The following RAB39B variants were observed in gnomAD, a reference collection of about 807,000 sequenced individuals.
The protein encoded by RAB39B is RAB39B, member RAS oncogene family.
For synonymous variants in RAB39B, 63 were observed against 67.5 expected (o/e 0.93, Z 0.33); for missense variants, 68 against 171.3 (o/e 0.40, Z 3.37).
At chrX:155,261,654 A>C (rs375791282) in intron 1 of RAB39B, among the ~76,000 whole-genome samples, 1 of 111,815 alleles carries the variant, frequency 8.9e-6, no homozygotes. Context: ...AAATGAAACA[A>C]TGGATATTAA....
rs1557314163 is a variant in RAB39B, at chrX:155,260,522, C to A, written c.*281G>T. ...GGACTTAGCTTCCTAAACCCCAGGCCTTTAACATGTGGTCCACAAAGGGCT... is the reference window on the plus strand; with the variant it reads ...GGACTTAGCTTCCTAAACCCCAGGCATTTAACATGTGGTCCACAAAGGGCT... On this transcript the variant is annotated 3_prime_UTR_variant, in exon 2 of 2. Transcript: ENST00000369454. 5.3e-6 allele frequency: 2 copies of A among 374,578 alleles called. No individual in the cohort carries two copies. The highest frequency in any genetic ancestry group is 8.6e-5 in the East Asian group (2 of 23,192). 30.9% of individuals were successfully genotyped at this position (374,578 alleles called of 1,213,427 possible).
chrX:155,260,763 G>A lies in RAB39B; in HGVS notation c.*40C>T. The A allele has an allele frequency of 8.7e-7, 1 of 1,145,558 alleles. No homozygotes were observed. The highest frequency in any genetic ancestry group is 1.2e-6 in the Non-Finnish European group (1 of 835,190). 94.4% of individuals were successfully genotyped at this position (1,145,558 alleles called of 1,213,427 possible). Reference sequence around the variant, plus strand: ...TTCTATTTATTTCTCTTACTTTTCAGTTCAAGTAGGAGAGCATGTTTTGGA... The same window carrying A: ...TTCTATTTATTTCTCTTACTTTTCAATTCAAGTAGGAGAGCATGTTTTGGA... On this transcript the variant is annotated 3_prime_UTR_variant, in exon 2 of 2. Transcript: ENST00000369454.
At chrX:155,261,294 AG>A (rs1445653424) in intron 1 of RAB39B, 65 bp from the exon 2 acceptor site, 44 of 812,957 alleles carry the variant, frequency 5.4e-5, no homozygotes, top group Non-Finnish European at 8.1e-5. Context: ...CAATGAACTC[AG>A]TATATTCAAG....
At chrX:155,263,360 C>T (rs1432754077) in intron 1 of RAB39B, among the ~76,000 whole-genome samples, 1 of 112,753 alleles carries the variant, frequency 8.9e-6, no homozygotes, top group Non-Finnish European at 1.9e-5. Context: ...TGAAATTAAG[C>T]ATGTTCATTT....
Position 155,264,335 on chromosome X carries a change from A to AG in RAB39B, c.-48dup. On this transcript the variant is annotated 5_prime_UTR_variant, in exon 1 of 2. Transcript: ENST00000369454. Reference sequence around the variant, plus strand: ...CTTGGCCCGGACCGGGGACGGCGGGAGGGGGCGCCCCGCCGACGCCTCAGA... The same window carrying AG: ...CTTGGCCCGGACCGGGGACGGCGGGAGGGGGGCGCCCCGCCGACGCCTCAGA... 1 of 1,122,410 alleles carries AG rather than the reference A, an allele frequency of 8.9e-7. No homozygotes were observed. Among genetic ancestry groups the AG allele is most frequent in the South Asian group, 1.8e-5 (1 of 54,997 alleles). 92.5% of individuals were successfully genotyped at this position (1,122,410 alleles called of 1,213,427 possible).
rs1557314591 is a variant in RAB39B, at chrX:155,264,486, G to A, written c.-198C>T. On this transcript the variant is annotated 5_prime_UTR_variant, in exon 1 of 2. Transcript: ENST00000369454. ...GCTGCGCTCGCAAAGGTGATGAAAT[G>A]GCAGCAGCATCAGCACCACGCACTC... 3 of 443,302 alleles carry A rather than the reference G, an allele frequency of 6.8e-6. No homozygotes were observed. The highest frequency in any genetic ancestry group is 7.4e-5 in the East Asian group (2 of 26,948). 36.5% of individuals were successfully genotyped at this position (443,302 alleles called of 1,213,427 possible).
At position 155,260,541 on chromosome X, in the gene RAB39B, A is replaced by G. The variant is rs1163165399; in HGVS notation, c.*262T>C. 6 of 398,368 alleles carry G rather than the reference A, an allele frequency of 1.5e-5. No homozygotes were observed. Among genetic ancestry groups the G allele is most frequent in the Non-Finnish European group, 2.6e-5 (6 of 227,554 alleles). 32.8% of individuals were successfully genotyped at this position (398,368 alleles called of 1,213,427 possible). A position where few individuals can be genotyped will look rare whatever the true frequency, so the allele number is the denominator to read the frequency against. On this transcript the variant is annotated 3_prime_UTR_variant, in exon 2 of 2. Transcript: ENST00000369454. ...CCAGGCCTTTAACATGTGGTCCACAAAGGGCTCATGGAGCAGCCACTGCCT... is the reference window on the plus strand; with the variant it reads ...CCAGGCCTTTAACATGTGGTCCACAGAGGGCTCATGGAGCAGCCACTGCCT...
Position 155,264,219 on chromosome X carries a change from G to A in RAB39B, c.70C>T (p.Leu24=), listed in dbSNP as rs2074862044. 8.3e-7 allele frequency: 1 copy of A among 1,210,935 alleles called. No homozygotes were observed. The highest frequency in any genetic ancestry group is 2.2e-5 in the Admixed American group (1 of 46,003). Residue 24 remains leucine (L), a synonymous_variant, in exon 1 of 2, where the codon CTG becomes TTG. Transcript: ENST00000369454. Reference sequence around the variant, plus strand: ...CGACCCTCGGTGAAGCGGCGGATCAGGCAGGACTTGCCCACTGTGGAATCC... The same window carrying A: ...CGACCCTCGGTGAAGCGGCGGATCAAGCAGGACTTGCCCACTGTGGAATCC... ...IGDSTVGKSC[L]IRRFTEGRFA... is the part of the protein sequence containing the mutation.
intron 1 of RAB39B, among the ~76,000 whole-genome samples, chrX:155,261,840 A>T (rs1281574107): frequency 6.6e-5 from 7 of 106,092 alleles, no homozygotes; most frequent in Admixed American, 4.1e-4. Context: ...ATTATTGTTT[A>T]TTATTATTAT....
At position 155,261,139 on chromosome X, in the gene RAB39B, C is replaced by G. The variant is rs1314905518; in HGVS notation, c.306G>C (p.Glu102Asp). The G allele has an allele frequency of 8.3e-7, 1 of 1,208,099 alleles. No individual in the cohort carries two copies. The change falls in exon 2 of 2, where the codon GAG (glutamate) becomes GAC (aspartate). Residue 102 changes from glutamate to aspartate, a missense_variant. By Grantham distance (45) the Glu-to-Asp change is conservative (BLOSUM62 2). Transcript: ENST00000369454. ...TNRRSFQNVH[E>D]WLEETKVHVQ... The stretch of plus-strand genomic sequence containing the variant: ...CGTGTACTTTGGTCTCTTCTAACCA[C>G]TCATGGACATTCTGGAAGGACCTGC...
At position 155,258,439 on chromosome X, in the gene RAB39B, A is replaced by G. The variant is rs1279114354; in HGVS notation, c.*2364T>C. The G allele has an allele frequency of 8.9e-6, 1 of 112,752 alleles. No homozygotes were observed. The highest frequency in any genetic ancestry group is 2.7e-4 in the East Asian group (1 of 3,641). The allele number at this position is 112,752 out of a possible 1,213,427, so 9.3% of individuals were successfully genotyped here. On this transcript the variant is annotated 3_prime_UTR_variant, in exon 2 of 2. Coordinates refer to ENST00000369454, the MANE Select transcript of RAB39B (RefSeq NM_171998.4). ...AAGTTAGTTTATCTTTTCTTTACCT[A>G]TGTAGTAAAATAGCTTCTAAAGCTT...
chrX:155,263,936 T>G, intron 1 of RAB39B, 138 bp downstream of exon 1: 1 of 591,218 alleles, frequency 1.7e-6, no homozygotes, highest in Admixed American at 3.0e-5. Context: ...TAGCCGAAGG[T>G]GGGCTTCGGC....
intron 1 of RAB39B, among the ~76,000 whole-genome samples, chrX:155,261,677 C>T (rs782229298): frequency 7.2e-5 from 8 of 111,440 alleles, no homozygotes; most frequent in Admixed American, 3.8e-4. Context: ...TGTTCTGTGA[C>T]GTGGAGAGTT....
Position 155,260,664 on chromosome X carries a change from TGTCA to T in RAB39B, c.*135_*138del, listed in dbSNP as rs1403094932. 6 of 654,005 alleles carry T rather than the reference TGTCA, an allele frequency of 9.2e-6. No individual in the cohort carries two copies. Among genetic ancestry groups the T allele is most frequent in the Non-Finnish European group, 1.5e-5 (6 of 406,851 alleles). The allele number at this position is 654,005 out of a possible 1,213,427, so 53.9% of individuals were successfully genotyped here. ...ACCCCCATCCACCCGCACACGAGTC[TGTCA>T]GAGTCCCCCTGAGAGGGAGGCTCAC... On this transcript the variant is annotated 3_prime_UTR_variant, in exon 2 of 2. Transcript: ENST00000369454.
In RAB39B at chrX:155,258,579, C is replaced by T. The variant is rs782080305; in HGVS notation, c.*2224G>A. The T allele has an allele frequency of 4.4e-5, 5 of 112,493 alleles. No individual in the cohort carries two copies. In the South Asian group the frequency reaches 1.8e-3, roughly 41 times the overall value. 9.3% of individuals were successfully genotyped at this position (112,493 alleles called of 1,213,427 possible). A position where few individuals can be genotyped will look rare whatever the true frequency, so the allele number is the denominator to read the frequency against. On this transcript the variant is annotated 3_prime_UTR_variant, in exon 2 of 2. Transcript: ENST00000369454. Reference sequence around the variant, plus strand: ...AAAATGATTTTTAAATTTTCTAGAACTTATTTAAGCAATTAAGCTCAGCCA... The same window carrying T: ...AAAATGATTTTTAAATTTTCTAGAATTTATTTAAGCAATTAAGCTCAGCCA...
Position 155,260,639 on chromosome X carries a change from A to AC in RAB39B, c.*163dup, listed in dbSNP as rs1206330315. 7.4e-6 allele frequency: 4 copies of AC among 538,732 alleles called. No individual in the cohort carries two copies. The highest frequency in any genetic ancestry group is 1.3e-5 in the Non-Finnish European group (4 of 315,418). 44.4% of individuals were successfully genotyped at this position (538,732 alleles called of 1,213,427 possible). On this transcript the variant is annotated 3_prime_UTR_variant, in exon 2 of 2. Transcript: ENST00000369454. ...AGTCCCTTGGTCACAGCACTCAGGC[A>AC]CCCCCATCCACCCGCACACGAGTCT...
At chrX:155,262,961 C>T (rs1487185087) in intron 1 of RAB39B, among the ~76,000 whole-genome samples, 1 of 112,389 alleles carries the variant, frequency 8.9e-6, no homozygotes, top group African/African-American at 3.2e-5. Context: ...ATTATTTCTT[C>T]TCCTTACCCC....
intron 1 of RAB39B, among the ~76,000 whole-genome samples, chrX:155,263,036 A>G (rs1339113418): frequency 4.5e-5 from 5 of 112,243 alleles, no homozygotes; most frequent in African/African-American, 1.6e-4. Flanking sequence ...TGAGTAAATG[A>G]TCATAAACTT....
In RAB39B at chrX:155,264,262, G is replaced by A. The variant is rs2074862117; in HGVS notation, c.27C>T (p.Phe9=). MEAIWLYQ[F]RLIVIGDSTV... ...TGGAATCCCCGATGACAATGAGCCG[G>A]AACTGGTACAGCCAGATGGCCTCCA... Residue 9 remains phenylalanine, a synonymous_variant, in exon 1 of 2, where the codon TTC becomes TTT. Transcript: ENST00000369454. The A allele has an allele frequency of 8.2e-7, 1 of 1,212,170 alleles. No individual in the cohort carries two copies. The highest frequency in any genetic ancestry group is 3.0e-5 in the East Asian group (1 of 33,845).
Sources: allele counts gnomAD v4.1 joint callset (sites outside exome capture counted in the v4.1 genomes callset), GRCh38; gene constraint gnomAD v4.1.1; transcripts MANE v1.5; gene names NCBI Gene and HGNC (gene_info 2026-07-23, HGNC 2026-07-21).